RPS6KA2: variants seen among roughly 807,000 people sequenced by gnomAD.
The protein encoded by RPS6KA2 is ribosomal protein S6 kinase alpha-2.
RPS6KA2 carries 42 observed loss-of-function variants against 91.8 expected under a neutral mutation model. The ratio of observed to expected loss-of-function variants is 0.46; its 90% CI spans 0.36 to 0.59. The LOEUF is 0.59. Ranked by LOEUF, RPS6KA2 falls within the 20% of genes least tolerant of loss-of-function variation. The probability of loss-of-function intolerance (pLI) is 0.00; values close to 1 mark genes in which losing one functional copy is unlikely to be tolerated. For missense variants in RPS6KA2, 798 were observed against 978.5 expected, an observed-to-expected ratio of 0.82 and a Z score of 2.46; for synonymous variants, 414 against 393.6, an observed-to-expected ratio of 1.05 and a Z score of -0.61.
At chr6:166,774,065 G>A (rs1778550387) in intron 2 of RPS6KA2, among the ~76,000 whole-genome samples, 1 of 152,142 alleles carries the variant, frequency 6.6e-6, no homozygotes, top group African/African-American at 2.4e-5. Context: ...TCTAGAAAGT[G>A]ACCCAGTGTT....
chr6:166,682,640 G>A (rs190148608), intron 2 of RPS6KA2, among the ~76,000 whole-genome samples: 1 of 152,334 alleles, frequency 6.6e-6, no homozygotes, highest in Non-Finnish European at 1.5e-5. Context: ...AAAACTGGGT[G>A]GGAGTGTGGA....
chr6:166,623,062 G>A (rs1258472511), intron 1 of RPS6KA2, among the ~76,000 whole-genome samples: 1 of 152,240 alleles, frequency 6.6e-6, no homozygotes, highest in Non-Finnish European at 1.5e-5. Context: ...CCCAGGTAGA[G>A]TCTCGCATTT....
intron 10 of RPS6KA2, among the ~76,000 whole-genome samples, chr6:166,476,945 A>G (rs761187387): frequency 6.6e-6 from 1 of 152,140 alleles, no homozygotes; most frequent in African/African-American, 2.4e-5. Context: ...ACAGCCACCA[A>G]TTCCCCAGAT....
At chr6:166,698,127 A>G (rs1329800227) in intron 2 of RPS6KA2, among the ~76,000 whole-genome samples, 1 of 152,206 alleles carries the variant, frequency 6.6e-6, no homozygotes, top group Non-Finnish European at 1.5e-5. Flanking sequence ...GACATAGGAA[A>G]TGCTGGGGCA....
intron 2 of RPS6KA2, among the ~76,000 whole-genome samples, chr6:166,711,158 G>A (rs1486343993): frequency 6.6e-6 from 1 of 151,260 alleles, no homozygotes; most frequent in African/African-American, 2.4e-5. Context: ...GTCTTCTTGG[G>A]ATTAGTGGAG....
At chr6:166,512,817 A>ACCC (rs1782517157) in intron 3 of RPS6KA2, among the ~76,000 whole-genome samples, 1 of 152,222 alleles carries the variant, frequency 6.6e-6, no homozygotes, top group South Asian at 2.1e-4. Flanking sequence ...GGGCCCGCCC[A>ACCC]CACTGTGCCG....
chr6:166,794,137 T>A (rs1477387557), intron 2 of RPS6KA2, among the ~76,000 whole-genome samples: 2 of 140,490 alleles, frequency 1.4e-5, no homozygotes, highest in African/African-American at 5.1e-5. Context: ...GAATCTACAA[T>A]GAACTCAAAC....
intron 2 of RPS6KA2, among the ~76,000 whole-genome samples, chr6:166,832,608 C>A (rs1213407290): frequency 6.6e-6 from 1 of 152,162 alleles, no homozygotes; most frequent in Non-Finnish European, 1.5e-5. Flanking sequence ...CTTTCTGAAT[C>A]CCTCTCTTAA....
intron 1 of RPS6KA2, among the ~76,000 whole-genome samples, chr6:166,614,317 C>A (rs1402358902): frequency 6.6e-6 from 1 of 152,240 alleles, no homozygotes; most frequent in Non-Finnish European, 1.5e-5. Context: ...ATGTGGACAT[C>A]TAGTGAACAC....
At chr6:166,715,096 A>T (rs977757601) in intron 2 of RPS6KA2, among the ~76,000 whole-genome samples, 1 of 152,228 alleles carries the variant, frequency 6.6e-6, no homozygotes, top group African/African-American at 2.4e-5. Flanking sequence ...AGACGTGAGA[A>T]AGGAAAGGCA....
chr6:166,441,974 G>A (rs991824773), intron 14 of RPS6KA2, among the ~76,000 whole-genome samples: 5 of 152,192 alleles, frequency 3.3e-5, no homozygotes, highest in East Asian at 1.9e-4. Flanking sequence ...CGGTCCGGCT[G>A]CCGCTCAGCA....
At chr6:166,754,082 G>C (rs965581368) in intron 2 of RPS6KA2, among the ~76,000 whole-genome samples, 1 of 152,212 alleles carries the variant, frequency 6.6e-6, no homozygotes, top group Admixed American at 6.5e-5. Context: ...TGCATGCAGT[G>C]ATGACTGCCT....
intron 2 of RPS6KA2, among the ~76,000 whole-genome samples, chr6:166,537,908 G>A (rs112011541): frequency 2.5e-3 from 377 of 152,342 alleles, no homozygotes; most frequent in African/African-American, 8.8e-3. Flanking sequence ...TTGTGCTGGA[G>A]TAAGTCACGT....
chr6:166,483,570 A>G (rs1440966391), intron 10 of RPS6KA2, among the ~76,000 whole-genome samples: 2 of 152,254 alleles, frequency 1.3e-5, no homozygotes, highest in African/African-American at 4.8e-5. Context: ...GCTAACGAAG[A>G]ATGAGAAGAG....
intron 2 of RPS6KA2, among the ~76,000 whole-genome samples, chr6:166,798,129 G>A (rs889307377): frequency 4.6e-5 from 7 of 152,126 alleles, no homozygotes; most frequent in East Asian, 1.9e-4. Flanking sequence ...TCCACCATTC[G>A]CCCTCAGTGT....
chr6:166,745,545 C>T (rs959221568), intron 2 of RPS6KA2, among the ~76,000 whole-genome samples: 1 of 152,218 alleles, frequency 6.6e-6, no homozygotes, highest in African/African-American at 2.4e-5. Flanking sequence ...AGGACCCTCC[C>T]TCCCAATACA....
intron 2 of RPS6KA2, among the ~76,000 whole-genome samples, chr6:166,794,947 T>G (rs1286687792): frequency 1.3e-5 from 2 of 151,874 alleles, no homozygotes; most frequent in Admixed American, 1.3e-4. Flanking sequence ...CATGTATACA[T>G]ATGTAACAAA....
Position 166,557,883 on chromosome 6 carries a change from C to T in RPS6KA2, c.100-19099G>A, listed in dbSNP as rs1232669969. On this transcript the variant is annotated intron_variant, in intron 1 of 20. Coordinates refer to ENST00000265678, the MANE Select transcript of RPS6KA2 (RefSeq NM_021135.6). The surrounding 1 kb of genome is among the most constrained non-coding windows in gnomAD (Gnocchi z 4.8). Reference sequence around the variant, plus strand: ...GAAAGCCTGTTACACCAGTGTATGTCAGGGTTCTTCAGAAAAACAAAACCA... The same window carrying T: ...GAAAGCCTGTTACACCAGTGTATGTTAGGGTTCTTCAGAAAAACAAAACCA... 1.3e-5 allele frequency among the ~76,000 whole-genome samples: 2 copies of T among 152,020 alleles called. No homozygotes were observed. Among genetic ancestry groups the T allele is most frequent in the Non-Finnish European group, 2.9e-5 (2 of 68,004 alleles).
At chr6:166,675,418 T>G (rs1453051908) in intron 2 of RPS6KA2, among the ~76,000 whole-genome samples, 1 of 152,212 alleles carries the variant, frequency 6.6e-6, no homozygotes, top group Non-Finnish European at 1.5e-5. Context: ...GTTAATCAGC[T>G]GCCTTTAAAG....
Sources: gnomAD v4.1 joint callset for allele counts (sites outside exome capture counted in the v4.1 genomes callset) on GRCh38, gnomAD v4.1.1 for gene constraint, Gnocchi (gnomAD v3.1) non-coding constraint, MANE v1.5 for transcripts, NCBI Gene and HGNC (gene_info 2026-07-23, HGNC 2026-07-21) for gene names.